LRRFIP1: variants seen among roughly 807,000 people sequenced by gnomAD.
The protein encoded by LRRFIP1 is LRR binding FLII interacting protein 1, also known as leucine-rich repeat flightless-interacting protein 1.
In LRRFIP1, 62 loss-of-function variants were observed where a neutral mutation model predicts 104.4. That is an observed-to-expected ratio of 0.59 (90% CI 0.48 to 0.73). The LOEUF is 0.73. LRRFIP1 is among the 30% of genes least tolerant of loss of function. The pLI is 0.00. For synonymous variants in LRRFIP1, 300 were observed against 299.0 expected, an observed-to-expected ratio of 1.00 and a Z score of -0.03; for missense variants, 796 against 824.5, an observed-to-expected ratio of 0.97 and a Z score of 0.42.
chr2:237,736,428 A>G (rs1333786963), intron 10 of LRRFIP1, among the ~76,000 whole-genome samples: 1 of 152,236 alleles, frequency 6.6e-6, no homozygotes, highest in Non-Finnish European at 1.5e-5. Context: ...GATGTGATGG[A>G]TAAAGCACAA....
At chr2:237,759,938 T>C in intron 18 of LRRFIP1, 126 bp from the exon 19 acceptor site, 1 of 786,322 alleles carries the variant, frequency 1.3e-6, no homozygotes, top group Non-Finnish European at 2.0e-6. Context: ...CTAGCATTTC[T>C]CTTGTCTCTG....
In LRRFIP1 at chr2:237,779,773, C is replaced by T. The variant is rs560630033; in HGVS notation, c.*241C>T. On this transcript the variant is annotated 3_prime_UTR_variant, in exon 24 of 24. Coordinates refer to ENST00000308482, the MANE Select transcript of LRRFIP1 (RefSeq NM_001137550.2). ...CGCCGACGCTCAGAACCTGCAGGTA[C>T]TTCATAAGCACACAGGGGCCTCGAG... 6.2e-5 allele frequency: 24 copies of T among 387,148 alleles called. No individual in the cohort carries two copies. The South Asian group carries it at 6.2e-4, about 10-fold the overall frequency. 24.0% of individuals were successfully genotyped at this position (387,148 alleles called of 1,614,324 possible). A position where few individuals can be genotyped will look rare whatever the true frequency, so the allele number is the denominator to read the frequency against.
At chr2:237,761,308 T>C (rs2059842677) in intron 19 of LRRFIP1, among the ~76,000 whole-genome samples, 1 of 152,214 alleles carries the variant, frequency 6.6e-6, no homozygotes, top group Non-Finnish European at 1.5e-5. Context: ...GGAGGATCAC[T>C]TAAGACCAGG....
At chr2:237,707,279 A>G (rs553391421) in intron 1 of LRRFIP1, among the ~76,000 whole-genome samples, 2 of 150,968 alleles carry the variant, frequency 1.3e-5, no homozygotes, top group African/African-American at 2.4e-5. Flanking sequence ...TTTTAATATT[A>G]TCTAGGAGCC....
intron 1 of LRRFIP1, among the ~76,000 whole-genome samples, chr2:237,630,430 C>T (rs2082178316): frequency 6.6e-6 from 1 of 152,144 alleles, no homozygotes; most frequent in African/African-American, 2.4e-5. Flanking sequence ...ACCTGCCTGC[C>T]CTCCAGGAGT....
At chr2:237,643,163 T>C (rs1231259745) in intron 1 of LRRFIP1, among the ~76,000 whole-genome samples, 1 of 152,280 alleles carries the variant, frequency 6.6e-6, no homozygotes, top group African/African-American at 2.4e-5. Context: ...CTTCTGAACA[T>C]GCAGCAGTGT....
At chr2:237,764,515 A>G in intron 19 of LRRFIP1, 2 of 1,091,664 alleles carry the variant, frequency 1.8e-6, no homozygotes, top group African/African-American at 1.6e-5. Flanking sequence ...GAAATGACCA[A>G]ATAGCATTCT....
chr2:237,642,087 G>A (rs1372237648), intron 1 of LRRFIP1, among the ~76,000 whole-genome samples: 2 of 152,218 alleles, frequency 1.3e-5, no homozygotes, highest in East Asian at 3.8e-4. Context: ...CCTCAGACAA[G>A]CGACAAGCAT....
rs537771135 is a variant in LRRFIP1, at chr2:237,780,747, C to A, written c.*1215C>A. On this transcript the variant is annotated 3_prime_UTR_variant, in exon 24 of 24. Transcript: ENST00000308482. Reference sequence around the variant, plus strand: ...GGGTATATAATCAAGAAAACACTCCCAGCATAATGCTAGGGGTCACCAGTG... The same window carrying A: ...GGGTATATAATCAAGAAAACACTCCAAGCATAATGCTAGGGGTCACCAGTG... Among the ~76,000 whole-genome samples, 25 of 152,220 alleles carry A rather than the reference C, an allele frequency of 1.6e-4. No individual in the cohort carries two copies. Among genetic ancestry groups the A allele is most frequent in the Non-Finnish European group, 2.9e-4 (20 of 68,018 alleles).
At position 237,691,971 on chromosome 2, in the gene LRRFIP1, T is replaced by C. The variant is rs1291390726; in HGVS notation, c.97-16573T>C. Reference sequence around the variant, plus strand: ...GCGGGACAGGCCGTGGGGCGGGGCCTGGGTGGGGCGGAGCCGGTGGGGGTG... The same window carrying C: ...GCGGGACAGGCCGTGGGGCGGGGCCCGGGTGGGGCGGAGCCGGTGGGGGTG... On this transcript the variant is annotated intron_variant, in intron 1 of 23. Coordinates refer to ENST00000308482, the MANE Select transcript of LRRFIP1 (RefSeq NM_001137550.2). The surrounding 1 kb of genome is among the most constrained non-coding windows in gnomAD (Gnocchi z 5.4). Among the ~76,000 whole-genome samples the C allele has an allele frequency of 3.3e-5, 1 of 30,284 alleles. No homozygotes were observed. Among genetic ancestry groups the C allele is most frequent in the African/African-American group, 1.3e-4 (1 of 7,466 alleles). 19.9% of individuals were successfully genotyped at this position (30,284 alleles called of 152,430 possible).
chr2:237,717,882 T>A lies in LRRFIP1; in HGVS notation c.249+73T>A. ...ATACAGTGTTGAGACTTAAATGGTT[T>A]ATAATGTAATTCTTACGCAGTTTAA... On this transcript the variant is annotated intron_variant, in intron 4 of 23. Transcript: ENST00000308482. The surrounding 1 kb of genome is among the most constrained non-coding windows in gnomAD (Gnocchi z 4.2). 1.8e-6 allele frequency: 2 copies of A among 1,118,036 alleles called. No individual in the cohort carries two copies. Among genetic ancestry groups the A allele is most frequent in the Non-Finnish European group, 2.8e-6 (2 of 727,062 alleles). The allele number at this position is 1,118,036 out of a possible 1,614,324, so 69.3% of individuals were successfully genotyped here.
intron 11 of LRRFIP1, among the ~76,000 whole-genome samples, chr2:237,745,917 ATTTG>A (rs146433781): frequency 0.032 from 4,792 of 151,918 alleles, 249 homozygotes; most frequent in African/African-American, 0.11. Flanking sequence ...TCTTATTAAT[ATTTG>A]TTCAGCAAAC....
chr2:237,713,055 A>G (rs887358337), intron 2 of LRRFIP1, among the ~76,000 whole-genome samples: 2 of 151,988 alleles, frequency 1.3e-5, no homozygotes, highest in Non-Finnish European at 2.9e-5. Context: ...GAGCAGGCTC[A>G]GGGTTTTCTT....
At chr2:237,773,651 C>T (rs1421920639) in intron 22 of LRRFIP1, among the ~76,000 whole-genome samples, 1 of 152,202 alleles carries the variant, frequency 6.6e-6, no homozygotes, top group Non-Finnish European at 1.5e-5. Flanking sequence ...GCCCGCCCTC[C>T]CTGGTGTCTA....
intron 20 of LRRFIP1, among the ~76,000 whole-genome samples, chr2:237,770,973 G>C (rs963963720): frequency 6.6e-6 from 1 of 152,134 alleles, no homozygotes; most frequent in Admixed American, 6.5e-5. Context: ...ACTAAATATG[G>C]TAGGAAGATT....
chr2:237,778,663 T>TC (rs1372393046), intron 23 of LRRFIP1, among the ~76,000 whole-genome samples: 2 of 152,196 alleles, frequency 1.3e-5, no homozygotes, highest in African/African-American at 4.8e-5. Flanking sequence ...ACGCCTGTAA[T>TC]CCCAGCACTT....
At chr2:237,771,555 C>A (rs1320504210) in intron 20 of LRRFIP1, among the ~76,000 whole-genome samples, 3 of 74,604 alleles carry the variant, frequency 4.0e-5, no homozygotes, top group Non-Finnish European at 2.6e-5. Flanking sequence ...AACCAATCCC[C>A]CCCCCCCCCC....
chr2:237,726,647 A>T (rs1298826223), intron 7 of LRRFIP1, among the ~76,000 whole-genome samples: 1 of 152,254 alleles, frequency 6.6e-6, no homozygotes, highest in African/African-American at 2.4e-5. Flanking sequence ...AGGTCACATG[A>T]CGGAGCTTCT....
At chr2:237,720,721 A>C in intron 5 of LRRFIP1, 51 bp from the exon 6 acceptor site, 1 of 1,537,910 alleles carries the variant, frequency 6.5e-7, no homozygotes. Context: ...CTGGTTCTTC[A>C]TGTATGTTGT....
Sources: gnomAD v4.1 joint callset for allele counts (sites outside exome capture counted in the v4.1 genomes callset) on GRCh38, gnomAD v4.1.1 for gene constraint, Gnocchi (gnomAD v3.1) non-coding constraint, MANE v1.5 for transcripts, NCBI Gene and HGNC (gene_info 2026-07-23, HGNC 2026-07-21) for gene names.